Variants in PRIMPOL observed in about 807,000 individuals in gnomAD.
PRIMPOL encodes the protein DNA-directed primase/polymerase protein.
A neutral mutation model predicts 63.6 loss-of-function variants in PRIMPOL; 54 were observed. That is an observed-to-expected ratio of 0.85 (90% CI 0.68 to 1.07). PRIMPOL has a LOEUF of 1.07. PRIMPOL is among the 50% of genes least tolerant of loss of function. PRIMPOL has a pLI of 0.00. For synonymous variants in PRIMPOL, 197 were observed against 220.2 expected (o/e 0.89, Z 0.93); for missense variants, 610 against 648.3 (o/e 0.94, Z 0.64).
chr4:184,653,142 C>A (rs1411899824), intron 2 of PRIMPOL, among the ~76,000 whole-genome samples: 1 of 152,002 alleles, frequency 6.6e-6, no homozygotes, highest in South Asian at 2.1e-4. Context: ...AAGAAAGAAA[C>A]TGAGAGAACT....
intron 8 of PRIMPOL, among the ~76,000 whole-genome samples, chr4:184,681,323 G>C (rs958407088): frequency 6.6e-6 from 1 of 152,036 alleles, no homozygotes; most frequent in African/African-American, 2.4e-5. Context: ...TTGGTGAATA[G>C]AGTTATATAG....
At chr4:184,682,850 G>C (rs1411169075) in intron 9 of PRIMPOL, among the ~76,000 whole-genome samples, 1 of 151,862 alleles carries the variant, frequency 6.6e-6, no homozygotes, top group Non-Finnish European at 1.5e-5. Context: ...AGGAGTTAGA[G>C]ACAATCCTGA....
chr4:184,682,720 C>A (rs904673423), intron 9 of PRIMPOL, among the ~76,000 whole-genome samples: 1 of 152,092 alleles, frequency 6.6e-6, no homozygotes, highest in Non-Finnish European at 1.5e-5. Flanking sequence ...CCTTTAAAAT[C>A]TTCAGTGTTA....
chr4:184,688,985 A>G (rs1757727087), intron 11 of PRIMPOL, among the ~76,000 whole-genome samples: 1 of 145,998 alleles, frequency 6.8e-6, no homozygotes, highest in Non-Finnish European at 1.5e-5. Flanking sequence ...TCCATAAACT[A>G]AAAAAAAAAG....
intron 7 of PRIMPOL, among the ~76,000 whole-genome samples, chr4:184,674,063 A>G (rs1186168280): frequency 6.6e-6 from 1 of 152,086 alleles, no homozygotes; most frequent in East Asian, 1.9e-4. Context: ...ATCCAGGGAG[A>G]GCGGCAGTGG....
At chr4:184,660,401 G>C (rs748659143) in intron 4 of PRIMPOL, among the ~76,000 whole-genome samples, 1 of 151,816 alleles carries the variant, frequency 6.6e-6, no homozygotes, top group African/African-American at 2.4e-5. Flanking sequence ...GGCTGCTCTC[G>C]AGCTCCTGAC....
chr4:184,650,620 A>G (rs1744033185), intron 1 of PRIMPOL, among the ~76,000 whole-genome samples: 2 of 152,216 alleles, frequency 1.3e-5, no homozygotes, highest in African/African-American at 4.8e-5. Context: ...ACACTGCCCT[A>G]CCGATCCCCT....
At chr4:184,691,113 C>G (rs914940962) in intron 11 of PRIMPOL, among the ~76,000 whole-genome samples, 9 of 149,672 alleles carry the variant, frequency 6.0e-5, no homozygotes, top group Non-Finnish European at 7.4e-5. Context: ...CTTATTGGAC[C>G]TTTTTTGTGG....
At chr4:184,680,251 G>A (rs1050409803) in intron 8 of PRIMPOL, among the ~76,000 whole-genome samples, 27 of 151,858 alleles carry the variant, frequency 1.8e-4, no homozygotes, top group African/African-American at 6.3e-4. Flanking sequence ...GCAGTGGTGC[G>A]ATCTCAGCTT....
At position 184,693,141 on chromosome 4, in the gene PRIMPOL, A is replaced by T. The variant is rs528892214; in HGVS notation, c.1426-1381A>T. Among the ~76,000 whole-genome samples, 6 of 151,156 alleles carry T rather than the reference A, an allele frequency of 4.0e-5. No individual in the cohort carries two copies. The South Asian group carries it at 1.2e-3, about 31-fold the overall frequency. ...TTAACACGTCTCTCGAAAAAACTCC[A>T]TATGTTTGAAATGGTGGAAATTCCA... On this transcript the variant is annotated intron_variant, in intron 13 of 13. Transcript: ENST00000314970.
chr4:184,692,633 G>T (rs1007017656), intron 13 of PRIMPOL, among the ~76,000 whole-genome samples: 6 of 150,320 alleles, frequency 4.0e-5, no homozygotes, highest in Admixed American at 6.6e-5. Context: ...CTTTTTTTTT[G>T]AAGTGATAGC....
intron 9 of PRIMPOL, 124 bp downstream of exon 9, chr4:184,682,460 G>C (rs1431256512): frequency 1.8e-6 from 1 of 554,988 alleles, no homozygotes; most frequent in Non-Finnish European, 3.3e-6. Flanking sequence ...GCCATCTCCT[G>C]CCTCAGCCTC....
chr4:184,673,224 G>C (rs961405239), intron 7 of PRIMPOL, among the ~76,000 whole-genome samples: 30 of 150,304 alleles, frequency 2.0e-4, no homozygotes, highest in Non-Finnish European at 3.8e-4. Flanking sequence ...CCGCCTCCCG[G>C]GTTCACGCCA....
Position 184,694,615 on chromosome 4 carries a change from G to GC in PRIMPOL, c.1520dup (p.Ser508IlefsTer3). 1 of 1,614,156 alleles carries GC rather than the reference G, an allele frequency of 6.2e-7. No individual in the cohort carries two copies. On this transcript the variant is annotated frameshift_variant, in exon 14 of 14. Transcript: ENST00000314970. LOFTEE classifies it low-confidence loss of function (END_TRUNC). ...ATCACCTAGCAGGCTGTCAACAGGTGCATCTGCTGATGCTGTCTGGGATAA... is the reference window on the plus strand; with the variant it reads ...ATCACCTAGCAGGCTGTCAACAGGTGCCATCTGCTGATGCTGTCTGGGATAA...
rs1167016821 is a variant in PRIMPOL, at chr4:184,691,503, CTGGT to C, written c.1303_1306del (p.Val435IlefsTer2). The C allele has an allele frequency of 6.4e-7, 1 of 1,556,868 alleles. No individual in the cohort carries two copies. Among genetic ancestry groups the C allele is most frequent in the East Asian group, 2.3e-5 (1 of 44,298 alleles). On this transcript the variant is annotated frameshift_variant, in exon 12 of 14. Transcript: ENST00000314970. LOFTEE classifies it high-confidence loss of function. Reference sequence around the variant, plus strand: ...TTTTTTTTTTTAAACATAAAGGATTCTGGTTGATCTGAAAAATGAAGTTTGGTAT... The same window carrying C: ...TTTTTTTTTTTAAACATAAAGGATTCTGATCTGAAAAATGAAGTTTGGTAT...
intron 13 of PRIMPOL, among the ~76,000 whole-genome samples, chr4:184,692,819 G>T (rs1269006921): frequency 6.6e-6 from 1 of 152,016 alleles, no homozygotes; most frequent in Non-Finnish European, 1.5e-5. Context: ...TACCAATCTG[G>T]TAGGCAAAAT....
chr4:184,675,646 A>G (rs1753092444), intron 7 of PRIMPOL, among the ~76,000 whole-genome samples: 2 of 152,066 alleles, frequency 1.3e-5, no homozygotes, highest in South Asian at 4.1e-4. Flanking sequence ...ATGAAACCCC[A>G]TCTCTACTAA....
chr4:184,687,674 G>T (rs181057094), intron 11 of PRIMPOL, among the ~76,000 whole-genome samples: 1 of 152,248 alleles, frequency 6.6e-6, no homozygotes, highest in Admixed American at 6.5e-5. Flanking sequence ...GGGTGCAATC[G>T]CACGATCTCG....
At chr4:184,688,937 T>G (rs1210123466) in intron 11 of PRIMPOL, among the ~76,000 whole-genome samples, 1 of 152,168 alleles carries the variant, frequency 6.6e-6, no homozygotes, top group Admixed American at 6.5e-5. Flanking sequence ...GGTAAGTGTT[T>G]ATGTCCGAAC....
Sources: gnomAD v4.1 joint callset for allele counts (sites outside exome capture counted in the v4.1 genomes callset) on GRCh38, gnomAD v4.1.1 for gene constraint, MANE v1.5 for transcripts, NCBI Gene and HGNC (gene_info 2026-07-23, HGNC 2026-07-21) for gene names.